The following VWA3B variants were observed in gnomAD, a reference collection of about 807,000 sequenced individuals.
VWA3B encodes the protein von Willebrand factor A domain containing 3B.
In VWA3B, 138 loss-of-function variants were observed where a neutral mutation model predicts 158.3. The ratio of observed to expected loss-of-function variants is 0.87; its 90% CI spans 0.76 to 1.00. The LOEUF (loss-of-function observed/expected upper bound fraction) is 1.00, where lower values mean the gene tolerates loss of function less well. Among genes scored for constraint, VWA3B ranks in the 50% least tolerant of loss-of-function variants. The probability of loss-of-function intolerance (pLI) is 0.00; values close to 1 mark genes in which losing one functional copy is unlikely to be tolerated. For missense variants in VWA3B, 1,555 were observed against 1,565.1 expected, an observed-to-expected ratio of 0.99 and a Z score of 0.11; for synonymous variants, 596 against 587.3, an observed-to-expected ratio of 1.01 and a Z score of -0.21.
intron 7 of VWA3B, among the ~76,000 whole-genome samples, chr2:98,152,415 C>T (rs528391817): frequency 6.6e-6 from 1 of 152,306 alleles, no homozygotes; most frequent in East Asian, 1.9e-4. Context: ...TCTCCAGGGA[C>T]TGTGTCTTTA....
chr2:98,221,493 G>A (rs556809932), intron 14 of VWA3B, among the ~76,000 whole-genome samples: 1 of 152,320 alleles, frequency 6.6e-6, no homozygotes, highest in Non-Finnish European at 1.5e-5. Flanking sequence ...ATGGAAGCAA[G>A]TGACTGTGCT....
intron 10 of VWA3B, 53 bp downstream of exon 10, chr2:98,188,182 C>A: frequency 6.4e-7 from 1 of 1,566,232 alleles, no homozygotes; most frequent in South Asian, 1.2e-5. Context: ...TGGACATTCT[C>A]ATCTGCTTGA....
intron 22 of VWA3B, among the ~76,000 whole-genome samples, chr2:98,281,543 T>C (rs76611993): frequency 0.039 from 5,932 of 152,316 alleles, 170 homozygotes; most frequent in Middle Eastern, 0.075. Context: ...AGCCAAAGAT[T>C]AGTTCTAGTT....
At chr2:98,130,002 G>A (rs558602876) in intron 6 of VWA3B, among the ~76,000 whole-genome samples, 2 of 152,168 alleles carry the variant, frequency 1.3e-5, no homozygotes, top group East Asian at 1.9e-4. Context: ...CCAGGGGACC[G>A]GCATTCAGCA....
chr2:98,097,131 G>A (rs991741262), intron 2 of VWA3B, among the ~76,000 whole-genome samples: 18 of 151,978 alleles, frequency 1.2e-4, no homozygotes, highest in African/African-American at 3.6e-4. Flanking sequence ...AGATTTTGGG[G>A]TTCAAGTGGC....
intron 7 of VWA3B, among the ~76,000 whole-genome samples, chr2:98,136,283 C>T (rs1163811419): frequency 2.6e-5 from 4 of 152,182 alleles, no homozygotes; most frequent in East Asian, 1.9e-4. Flanking sequence ...TGACAGTTCA[C>T]TAGTGTTAAG....
Position 98,298,000 on chromosome 2 carries a change from T to TG in VWA3B, c.3257dup (p.Ala1087ArgfsTer24). 7 of 1,583,198 alleles carry TG rather than the reference T, an allele frequency of 4.4e-6. No homozygotes were observed. In the Admixed American group the frequency reaches 7.1e-5, roughly 16 times the overall value. Reference sequence around the variant, plus strand: ...GTGTCCACCTCCTTCATCACGCCTGTGGGGGGCGCCATGCCCTGCCCGCTG... The same window carrying TG: ...GTGTCCACCTCCTTCATCACGCCTGTGGGGGGGCGCCATGCCCTGCCCGCTG... On this transcript the variant is annotated frameshift_variant, in exon 24 of 28. Coordinates refer to ENST00000477737, the MANE Select transcript of VWA3B (RefSeq NM_144992.5). LOFTEE classifies it high-confidence loss of function.
At chr2:98,115,027 A>G (rs1018930715) in intron 2 of VWA3B, among the ~76,000 whole-genome samples, 5 of 151,986 alleles carry the variant, frequency 3.3e-5, no homozygotes, top group African/African-American at 1.2e-4. Flanking sequence ...AGTTGAGAGT[A>G]CAGTTGAAAT....
At chr2:98,170,702 G>A (rs1340117044) in intron 8 of VWA3B, among the ~76,000 whole-genome samples, 1 of 151,950 alleles carries the variant, frequency 6.6e-6, no homozygotes, top group African/African-American at 2.4e-5. Flanking sequence ...TGCCTCATGG[G>A]TTCAAGTGAT....
chr2:98,176,659 C>T (rs896620465), intron 8 of VWA3B, among the ~76,000 whole-genome samples: 4 of 152,176 alleles, frequency 2.6e-5, no homozygotes, highest in African/African-American at 9.7e-5. Context: ...CTCTCAAATA[C>T]AAGCCCTCTA....
intron 7 of VWA3B, among the ~76,000 whole-genome samples, chr2:98,142,199 C>T (rs1676827791): frequency 6.6e-6 from 1 of 152,144 alleles, no homozygotes; most frequent in Non-Finnish European, 1.5e-5. Flanking sequence ...CTTATTGCCG[C>T]TTCAGGCTGA....
intron 7 of VWA3B, among the ~76,000 whole-genome samples, chr2:98,162,318 T>C (rs1678677925): frequency 6.6e-6 from 1 of 152,160 alleles, no homozygotes; most frequent in Non-Finnish European, 1.5e-5. Context: ...CATGTCATTT[T>C]AAAAAAGTGT....
At chr2:98,132,441 G>A (rs1675947192) in intron 6 of VWA3B, among the ~76,000 whole-genome samples, 1 of 152,212 alleles carries the variant, frequency 6.6e-6, no homozygotes, top group South Asian at 2.1e-4. Flanking sequence ...CCCTCCAACT[G>A]GACTCCGGCT....
intron 10 of VWA3B, 57 bp from the exon 11 acceptor site, chr2:98,192,841 G>T: frequency 6.2e-7 from 1 of 1,612,430 alleles, no homozygotes; most frequent in Non-Finnish European, 8.5e-7. Flanking sequence ...TTCTTGGGAA[G>T]ATGCTCTTGT....
chr2:98,299,945 TGA>T, intron 24 of VWA3B, 132 bp from the exon 25 acceptor site: 2 of 1,236,860 alleles, frequency 1.6e-6, no homozygotes, highest in Non-Finnish European at 2.3e-6. Context: ...CTTTCTTAAC[TGA>T]GAAAAAAAAT....
intron 8 of VWA3B, among the ~76,000 whole-genome samples, chr2:98,168,408 C>A (rs1487083372): frequency 1.3e-5 from 2 of 149,672 alleles, no homozygotes; most frequent in Non-Finnish European, 3.0e-5. Context: ...CACACACACA[C>A]AAACTAAAAC....
chr2:98,133,149 T>G (rs1191021949), intron 6 of VWA3B, among the ~76,000 whole-genome samples: 1 of 152,202 alleles, frequency 6.6e-6, no homozygotes, highest in African/African-American at 2.4e-5. Flanking sequence ...CAAACTTTCA[T>G]GTGTCTGTCA....
chr2:98,288,078 G>C (rs1689267036), intron 22 of VWA3B, among the ~76,000 whole-genome samples: 1 of 152,100 alleles, frequency 6.6e-6, no homozygotes, highest in South Asian at 2.1e-4. Flanking sequence ...GCTAATTCAA[G>C]GTCTTGATCT....
At chr2:98,149,038 A>G (rs1449031982) in intron 7 of VWA3B, among the ~76,000 whole-genome samples, 1 of 152,140 alleles carries the variant, frequency 6.6e-6, no homozygotes, top group African/African-American at 2.4e-5. Context: ...TATTTTTCTC[A>G]TAGTATTTAC....
Sources: gnomAD v4.1 joint callset for allele counts (sites outside exome capture counted in the v4.1 genomes callset) on GRCh38, gnomAD v4.1.1 for gene constraint, MANE v1.5 for transcripts, NCBI Gene and HGNC (gene_info 2026-07-23, HGNC 2026-07-21) for gene names.